Variants in EIF4G3 observed in about 807,000 individuals in gnomAD.
EIF4G3 encodes eIF-4-gamma 3.
EIF4G3 carries 34 observed loss-of-function variants against 186.4 expected under a neutral mutation model. That is an observed-to-expected ratio of 0.18 (90% CI 0.14 to 0.24). The LOEUF (loss-of-function observed/expected upper bound fraction) is 0.24, where lower values mean the gene tolerates loss of function less well. Among genes scored for constraint, EIF4G3 ranks in the 10% least tolerant of loss-of-function variants. The probability of loss-of-function intolerance (pLI) is 1.00; values close to 1 mark genes in which losing one functional copy is unlikely to be tolerated. For missense variants in EIF4G3, 1,536 were observed against 1,948.5 expected (o/e 0.79, Z 3.99); for synonymous variants, 673 against 679.5 (o/e 0.99, Z 0.15).
intron 14 of EIF4G3, among the ~76,000 whole-genome samples, chr1:20,930,245 A>G (rs562732723): frequency 2.6e-5 from 4 of 152,158 alleles, no homozygotes; most frequent in African/African-American, 9.6e-5. Flanking sequence ...GGCTGTGGCA[A>G]TTTCTTAAAA....
At chr1:20,808,903 T>C (rs909655068) in intron 36 of EIF4G3, among the ~76,000 whole-genome samples, 1 of 152,188 alleles carries the variant, frequency 6.6e-6, no homozygotes, top group Admixed American at 6.5e-5. Context: ...TCTCCGATCA[T>C]TTATATTAAT....
chr1:21,071,615 C>T (rs1001786225), intron 3 of EIF4G3, among the ~76,000 whole-genome samples: 16 of 152,008 alleles, frequency 1.1e-4, no homozygotes, highest in Non-Finnish European at 1.6e-4. Context: ...AGGTGGATCA[C>T]GAGGTCAGGC....
rs116791234 is a variant in EIF4G3 at position 21,027,931 on chromosome 1, T to C, written c.-67+22935A>G. On this transcript the variant is annotated intron_variant, in intron 4 of 36. Transcript: ENST00000602326. ...AATAGATAAGCACAATATGGTACCA[T>C]AGATAAAGTGAAACATTAGCCTTAA... Among the ~76,000 whole-genome samples, 198 of 152,260 alleles carry C rather than the reference T, an allele frequency of 1.3e-3. 1 individual carries two copies. The highest frequency in any genetic ancestry group is 4.4e-3 in the African/African-American group (181 of 41,556).
At position 20,909,138 on chromosome 1, in the gene EIF4G3, C is replaced by G. The variant is rs565593086; in HGVS notation, c.1664-4167G>C. ...CTGCACTCCAGCCTGGGCGATCGAG[C>G]AAGACTCCATTTCAAAAAAAAAAAA... On this transcript the variant is annotated intron_variant, in intron 14 of 36. Transcript: ENST00000602326. Among the ~76,000 whole-genome samples the G allele has an allele frequency of 2.2e-3, 332 of 148,300 alleles. 1 individual carries two copies. Among genetic ancestry groups the G allele is most frequent in the African/African-American group, 7.7e-3 (307 of 40,112 alleles).
chr1:20,886,495 C>T, intron 18 of EIF4G3, 124 bp from the exon 19 acceptor site: 1 of 815,628 alleles, frequency 1.2e-6, no homozygotes. Flanking sequence ...ACTAGGTACT[C>T]AAACTGGAGG....
chr1:20,944,257 G>C (rs1249168605), intron 13 of EIF4G3, among the ~76,000 whole-genome samples: 1 of 152,094 alleles, frequency 6.6e-6, no homozygotes. Flanking sequence ...GCTCGCATCT[G>C]TAATCCTAGC....
intron 2 of EIF4G3, among the ~76,000 whole-genome samples, chr1:21,145,561 A>G (rs892483850): frequency 3.9e-5 from 6 of 152,098 alleles, no homozygotes; most frequent in Non-Finnish European, 7.4e-5. Context: ...CACCCCACCT[A>G]GCTATGCTAC....
At chr1:20,922,288 A>T (rs562113203) in intron 14 of EIF4G3, among the ~76,000 whole-genome samples, 1 of 152,222 alleles carries the variant, frequency 6.6e-6, no homozygotes, top group Non-Finnish European at 1.5e-5. Flanking sequence ...GAATGATTCT[A>T]CTACTAGCTT....
chr1:21,013,999 G>A lies in EIF4G3; in HGVS notation c.-66-11191C>T, dbSNP rs1458863480. Among the ~76,000 whole-genome samples, 3 of 152,232 alleles carry A rather than the reference G, an allele frequency of 2.0e-5. No homozygotes were observed. In the South Asian group the frequency reaches 6.2e-4, roughly 32 times the overall value. On this transcript the variant is annotated intron_variant, in intron 4 of 36. Coordinates refer to ENST00000602326, the MANE Select transcript of EIF4G3 (RefSeq NM_001391906.1). ...AGCCTGGCCTACATGGTGAAACTCC[G>A]TCTCTACTACAAATATAAAAATTAG...
chr1:21,158,556 A>C (rs1337827925), intron 2 of EIF4G3, among the ~76,000 whole-genome samples: 4 of 152,130 alleles, frequency 2.6e-5, no homozygotes, highest in Non-Finnish European at 5.9e-5. Flanking sequence ...TACTTATTTC[A>C]ACTTAGCTCC....
At chr1:20,856,158 G>T in intron 25 of EIF4G3, among the ~76,000 whole-genome samples, 1 of 152,104 alleles carries the variant, frequency 6.6e-6, no homozygotes, top group East Asian at 1.9e-4. Flanking sequence ...CAGAATCTTG[G>T]AGAAAAGGAT....
At chr1:21,140,371 T>C (rs973601303) in intron 2 of EIF4G3, among the ~76,000 whole-genome samples, 5 of 152,180 alleles carry the variant, frequency 3.3e-5, no homozygotes, top group Non-Finnish European at 7.4e-5. Context: ...TGGAGTGCAG[T>C]AGCGTGATCT....
chr1:20,848,197 G>A lies in EIF4G3; in HGVS notation c.3888+1218C>T, dbSNP rs369414495. Among the ~76,000 whole-genome samples the A allele has an allele frequency of 6.1e-4, 93 of 152,220 alleles. 1 individual carries two copies. The South Asian group carries it at 0.018, about 30-fold the overall frequency. Reference sequence around the variant, plus strand: ...GCCCAGGCTGGTCTCAAACTCTTGAGCTTAAGTGATCCTCCTGCCTCAGCT... The same window carrying A: ...GCCCAGGCTGGTCTCAAACTCTTGAACTTAAGTGATCCTCCTGCCTCAGCT... On this transcript the variant is annotated intron_variant, in intron 29 of 36. Transcript: ENST00000602326.
intron 18 of EIF4G3, chr1:20,892,744 A>T: frequency 6.7e-7 from 1 of 1,498,036 alleles, no homozygotes; most frequent in Non-Finnish European, 9.0e-7. Flanking sequence ...AGAAACAAAG[A>T]CAAAGACATG....
intron 33 of EIF4G3, among the ~76,000 whole-genome samples, chr1:20,818,486 A>G (rs995168290): frequency 1.3e-5 from 2 of 152,086 alleles, no homozygotes; most frequent in Admixed American, 1.3e-4. Context: ...CAACACAAAT[A>G]CCAAAATTAG....
chr1:20,951,057 C>T (rs1470376796), intron 12 of EIF4G3, among the ~76,000 whole-genome samples: 1 of 151,644 alleles, frequency 6.6e-6, no homozygotes, highest in African/African-American at 2.4e-5. Context: ...CTGCACAATT[C>T]TATTTTTCTT....
chr1:21,094,300 T>C (rs2096290376), intron 2 of EIF4G3, among the ~76,000 whole-genome samples: 1 of 151,990 alleles, frequency 6.6e-6, no homozygotes, highest in African/African-American at 2.4e-5. Flanking sequence ...ATCATGCTGC[T>C]ATAAAGACAC....
intron 18 of EIF4G3, among the ~76,000 whole-genome samples, chr1:20,891,047 C>A (rs1174647733): frequency 6.6e-6 from 1 of 152,220 alleles, no homozygotes; most frequent in Non-Finnish European, 1.5e-5. Context: ...CATCTCACTT[C>A]TAGTCACATT....
intron 7 of EIF4G3, among the ~76,000 whole-genome samples, chr1:20,990,192 TA>T (rs1027243922): frequency 6.6e-6 from 1 of 150,632 alleles, no homozygotes; most frequent in African/African-American, 2.4e-5. Flanking sequence ...ACAAATAAAT[TA>T]AAAAAAAGAA....
Sources: gnomAD v4.1 joint callset for allele counts (sites outside exome capture counted in the v4.1 genomes callset) on GRCh38, gnomAD v4.1.1 for gene constraint, MANE v1.5 for transcripts, NCBI Gene and HGNC (gene_info 2026-07-23, HGNC 2026-07-21) for gene names.